SATB1: variants seen among roughly 807,000 people sequenced by gnomAD.
SATB1 encodes the protein DNA-binding protein SATB1.
A neutral mutation model predicts 86.9 loss-of-function variants in SATB1; 11 were observed. That is an observed-to-expected ratio of 0.13 (90% confidence interval 0.08 to 0.21). SATB1 has a LOEUF of 0.21. SATB1 is among the 10% of genes least tolerant of loss of function. The pLI is 1.00. For synonymous variants in SATB1, 357 were observed against 357.2 expected (o/e 1.00, Z 0.01); for missense variants, 551 against 937.6 (o/e 0.59, Z 5.39).
Position 18,357,699 on chromosome 3 carries a change from A to G in SATB1, c.1576-5504T>C, listed in dbSNP as rs538087451. Among the ~76,000 whole-genome samples the G allele has an allele frequency of 5.3e-5, 8 of 152,014 alleles. No individual in the cohort carries two copies. The South Asian group carries it at 6.2e-4, about 12-fold the overall frequency. On this transcript the variant is annotated intron_variant, in intron 9 of 10. Coordinates refer to ENST00000338745, the MANE Select transcript of SATB1 (RefSeq NM_002971.6). The stretch of plus-strand genomic sequence containing the variant: ...GGTTTAAAGATATCACAAAGATGCC[A>G]AGTGATTAATAATGTTTTAAACCAC...
At chr3:18,422,354 AG>A (rs1192705846) in intron 1 of SATB1, among the ~76,000 whole-genome samples, 1 of 152,192 alleles carries the variant, frequency 6.6e-6, no homozygotes, top group African/African-American at 2.4e-5. Flanking sequence ...AATCAAGAAA[AG>A]GGGGGCAGCA....
chr3:18,444,835 G>A lies in SATB1; in HGVS notation c.-25+683C>T, dbSNP rs1451534650. The A allele has an allele frequency of 1.0e-5, 2 of 193,726 alleles. No homozygotes were observed. The highest frequency in any genetic ancestry group is 1.9e-5 in the Non-Finnish European group (2 of 107,918). The allele number at this position is 193,726 out of a possible 1,614,324, so 12.0% of individuals were successfully genotyped here. ...GGGCGTTTAAAGGGGAGAGCGAGGC[G>A]AGGAGCGAGCGAGCGAGCGCGCGGG... On this transcript the variant is annotated intron_variant, in intron 1 of 3. Coordinates refer to the SATB1 transcript ENST00000415069. The surrounding 1 kb of genome is among the most constrained non-coding windows in gnomAD (Gnocchi z 5.1).
chr3:18,415,930 C>A, intron 4 of SATB1, 77 bp downstream of exon 4: 1 of 1,377,464 alleles, frequency 7.3e-7, no homozygotes, highest in South Asian at 1.6e-5. Context: ...AATTGAAGGT[C>A]GACCAGAGAG....
chr3:18,389,349 T>G (rs1453972810), intron 7 of SATB1, among the ~76,000 whole-genome samples: 4 of 151,582 alleles, frequency 2.6e-5, no homozygotes, highest in African/African-American at 9.7e-5. Flanking sequence ...AGAAAACATT[T>G]TGATTAGTGA....
At chr3:18,437,440 A>C (rs2125205930) in intron 1 of SATB1, among the ~76,000 whole-genome samples, 1 of 152,266 alleles carries the variant, frequency 6.6e-6, no homozygotes, top group East Asian at 1.9e-4. Flanking sequence ...TTTTTAAAGA[A>C]TCAAGCAAGC....
chr3:18,437,912 G>C (rs558956535), intron 1 of SATB1, among the ~76,000 whole-genome samples: 1 of 152,214 alleles, frequency 6.6e-6, no homozygotes, highest in African/African-American at 2.4e-5. Context: ...CTGGGGGAAA[G>C]AAAGGCTTGC....
chr3:18,351,119 C>T, intron 10 of SATB1: 1 of 602,398 alleles, frequency 1.7e-6, no homozygotes, highest in Non-Finnish European at 3.0e-6. Flanking sequence ...AGAGTGTCTT[C>T]AGGAGATGAA....
chr3:18,442,587 GTATT>G (rs1259086216), upstream of SATB1, among the ~76,000 whole-genome samples: 2 of 152,294 alleles, frequency 1.3e-5, no homozygotes, highest in East Asian at 3.9e-4. Flanking sequence ...TGTCTACAGT[GTATT>G]TAATAATGTG....
At chr3:18,383,988 T>C (rs117089920) in intron 8 of SATB1, among the ~76,000 whole-genome samples, 2 of 152,184 alleles carry the variant, frequency 1.3e-5, no homozygotes, top group African/African-American at 2.4e-5. Flanking sequence ...GTTAGTCATT[T>C]TGGAGTTTGG....
intron 2 of SATB1, chr3:18,417,726 G>A: frequency 1.4e-6 from 1 of 692,240 alleles, no homozygotes; most frequent in Non-Finnish European, 2.6e-6. Flanking sequence ...AATAACATTT[G>A]CTTTTATGAA....
At chr3:18,395,166 T>C (rs950815452) in intron 6 of SATB1, among the ~76,000 whole-genome samples, 2 of 152,180 alleles carry the variant, frequency 1.3e-5, no homozygotes, top group African/African-American at 2.4e-5. Flanking sequence ...ATTTAAGGCA[T>C]AAAATCAATT....
chr3:18,438,640 A>T (rs547248923), exon 1 of SATB1: 1 of 152,358 alleles, frequency 6.6e-6, no homozygotes, highest in African/African-American at 2.4e-5. Context: ...TGATGAGGTG[A>T]CAATGATGAA....
chr3:18,397,239 C>G lies in SATB1; in HGVS notation c.691G>C (p.Ala231Pro). 6.2e-7 allele frequency: 1 copy of G among 1,612,800 alleles called. No homozygotes were observed. Among genetic ancestry groups the G allele is most frequent in the Non-Finnish European group, 8.5e-7 (1 of 1,178,918 alleles). ...NSTYYANVSA[A>P]KCQEFGRWYK... The stretch of plus-strand genomic sequence containing the variant: ...CACCTTCCAAATTCTTGACATTTTG[C>G]TGCTGAGACATTTGCATAGTAAGTA... The change falls in exon 6 of 11, where the codon GCA becomes CCA. Residue 231 changes from alanine to proline, a missense_variant. Transcript: ENST00000338745.
intron 6 of SATB1, 53 bp downstream of exon 6, chr3:18,397,126 C>T (rs1215732878): frequency 7.5e-5 from 74 of 992,154 alleles, no homozygotes; most frequent in Non-Finnish European, 1.1e-4. Flanking sequence ...TGATAAACCC[C>T]CAAATGACAC....
chr3:18,346,154 A>C lies in SATB1; in HGVS notation c.*3016T>G, dbSNP rs1694045980. The C allele has an allele frequency of 6.6e-6, 1 of 152,130 alleles. No homozygotes were observed. The highest frequency in any genetic ancestry group is 6.6e-5 in the Admixed American group (1 of 15,264). The allele number at this position is 152,130 out of a possible 1,614,324, so 9.4% of individuals were successfully genotyped here. A position where few individuals can be genotyped will look rare whatever the true frequency, so the allele number is the denominator to read the frequency against. On this transcript the variant is annotated 3_prime_UTR_variant, in exon 11 of 11. Coordinates refer to ENST00000338745, the MANE Select transcript of SATB1 (RefSeq NM_002971.6). ...TTACCTTGGTTTTCAAAGGTTGTCA[A>C]CTCTGCATATTGTGTGGCAAGGAGA...
Position 18,349,871 on chromosome 3 carries a change from T to G in SATB1, c.1780-189A>C, listed in dbSNP as rs1438943273. On this transcript the variant is annotated intron_variant, in intron 10 of 10. Transcript: ENST00000338745. This position sits in a 1 kb window ranked among gnomAD's most constrained non-coding sequence, Gnocchi z 5.5. ...TACAAAAAAATCAAAATGATATGACTAGGAAGGGATGAATTAAGACAGCTT... is the reference window on the plus strand; with the variant it reads ...TACAAAAAAATCAAAATGATATGACGAGGAAGGGATGAATTAAGACAGCTT... The G allele has an allele frequency of 9.9e-7, 1 of 1,007,950 alleles. No individual in the cohort carries two copies. Among genetic ancestry groups the G allele is most frequent in the Non-Finnish European group, 1.4e-6 (1 of 716,840 alleles). The allele number at this position is 1,007,950 out of a possible 1,614,324, so 62.4% of individuals were successfully genotyped here. A position where few individuals can be genotyped will look rare whatever the true frequency, so the allele number is the denominator to read the frequency against.
rs1231914674 is a variant in SATB1 at position 18,347,376 on chromosome 3, T to A, written c.*1794A>T. On this transcript the variant is annotated 3_prime_UTR_variant, in exon 11 of 11. Coordinates refer to ENST00000338745, the MANE Select transcript of SATB1 (RefSeq NM_002971.6). Reference sequence around the variant, plus strand: ...TTACTATGTTTAATGTTGCAAGAATTTTGAAGATTGTGTTTAAATACCAGG... The same window carrying A: ...TTACTATGTTTAATGTTGCAAGAATATTGAAGATTGTGTTTAAATACCAGG... 1 of 152,214 alleles carries A rather than the reference T, an allele frequency of 6.6e-6. No homozygotes were observed. Among genetic ancestry groups the A allele is most frequent in the African/African-American group, 2.4e-5 (1 of 41,448 alleles). 9.4% of individuals were successfully genotyped at this position (152,214 alleles called of 1,614,324 possible).
At position 18,353,817 on chromosome 3, in the gene SATB1, A is replaced by G. The variant is rs1027854202; in HGVS notation, c.1576-1622T>C. Among the ~76,000 whole-genome samples the G allele has an allele frequency of 2.0e-5, 3 of 152,352 alleles. No homozygotes were observed. In the South Asian group the frequency reaches 6.2e-4, roughly 32 times the overall value. On this transcript the variant is annotated intron_variant, in intron 9 of 10. Transcript: ENST00000338745. Reference sequence around the variant, plus strand: ...AGCAGCTCATCGTGACGACTGCTGTATCTCATGACATCTACTAGTATTCCT... The same window carrying G: ...AGCAGCTCATCGTGACGACTGCTGTGTCTCATGACATCTACTAGTATTCCT...
intron 9 of SATB1, among the ~76,000 whole-genome samples, chr3:18,373,291 CTATGTGCCTTAAA>C (rs1178133021): frequency 1.3e-5 from 2 of 152,144 alleles, no homozygotes; most frequent in African/African-American, 4.8e-5. Flanking sequence ...GCAGGGCCTC[CTATGTGCCTTAAA>C]TAGGAGGCTA....
Sources: allele counts gnomAD v4.1 joint callset (sites outside exome capture counted in the v4.1 genomes callset), GRCh38; gene constraint gnomAD v4.1.1; non-coding constraint Gnocchi (gnomAD v3.1); transcripts MANE v1.5; gene names NCBI Gene and HGNC (gene_info 2026-07-23, HGNC 2026-07-21).